CDH9: variants seen among roughly 807,000 people sequenced by gnomAD.
CDH9 encodes cadherin 9.
In CDH9, 28 loss-of-function variants were observed where a neutral mutation model predicts 70.9. The ratio of observed to expected loss-of-function variants is 0.40; its 90% CI spans 0.29 to 0.54. CDH9 has a LOEUF of 0.54. Among genes scored for constraint, CDH9 ranks in the 20% least tolerant of loss-of-function variants. The pLI, the probability that CDH9 is intolerant of heterozygous loss-of-function variation, is 0.59. For synonymous variants in CDH9, 409 were observed against 343.1 expected (o/e 1.19, Z -2.12); for missense variants, 874 against 984.4 (o/e 0.89, Z 1.50).
At position 26,885,777 on chromosome 5, in the gene CDH9, G is replaced by T; in HGVS notation, c.1719C>A (p.Asn573Lys). Residue 573 changes from asparagine (N) to lysine (K), a missense_variant, in exon 11 of 12, where the codon AAC becomes AAA. Physicochemically the swap from Asn to Lys is moderately conservative, Grantham distance 94. Coordinates refer to ENST00000231021, the MANE Select transcript of CDH9 (RefSeq NM_016279.4). ...TYLLPILIFD[N>K]DYPIQSSTGT... is the part of the protein sequence containing the mutation. ...CAGTGCTGCTTTGAATTGGATAATC[G>T]TTGTCAAAGATTAAAATCGGCAATA... 1 of 1,613,668 alleles carries T rather than the reference G, an allele frequency of 6.2e-7. No homozygotes were observed. The highest frequency in any genetic ancestry group is 8.5e-7 in the Non-Finnish European group (1 of 1,179,740).
intron 1 of CDH9, among the ~76,000 whole-genome samples, chr5:27,023,734 T>C (rs920717525): frequency 2.0e-5 from 3 of 152,032 alleles, no homozygotes; most frequent in Non-Finnish European, 2.9e-5. Flanking sequence ...TAAAATCTTG[T>C]AGGATTAACA....
At chr5:26,946,499 A>G (rs1741756196) in intron 2 of CDH9, among the ~76,000 whole-genome samples, 1 of 152,204 alleles carries the variant, frequency 6.6e-6, no homozygotes, top group Non-Finnish European at 1.5e-5. Context: ...TTTAATGCCA[A>G]GAAGTGAGGC....
chr5:26,988,456 C>A, intron 1 of CDH9, 74 bp from the exon 2 acceptor site: 1 of 1,260,170 alleles, frequency 7.9e-7, no homozygotes, highest in Non-Finnish European at 1.1e-6. Flanking sequence ...AACTGAAATA[C>A]TTATTCCAGA....
chr5:26,977,489 A>ATATATATATATATATG (rs1554001720), intron 2 of CDH9, among the ~76,000 whole-genome samples: 20 of 129,106 alleles, frequency 1.5e-4, no homozygotes, highest in African/African-American at 9.1e-4. Context: ...GTGTGTGTAT[A>ATATATATATATATATG]TATATATATA....
intron 11 of CDH9, among the ~76,000 whole-genome samples, chr5:26,884,803 G>C (rs1740532178): frequency 6.6e-6 from 1 of 152,080 alleles, no homozygotes; most frequent in African/African-American, 2.4e-5. Context: ...ATATTTGATA[G>C]AAACAATTTT....
chr5:26,951,010 T>C (rs1301090198), intron 2 of CDH9, among the ~76,000 whole-genome samples: 1 of 152,040 alleles, frequency 6.6e-6, no homozygotes, highest in Non-Finnish European at 1.5e-5. Flanking sequence ...CTTGGAATAA[T>C]AAAAGGCGTG....
chr5:26,981,494 C>A (rs1329877418), intron 2 of CDH9, among the ~76,000 whole-genome samples: 1 of 152,062 alleles, frequency 6.6e-6, no homozygotes, highest in East Asian at 1.9e-4. Context: ...TTTCAGTCTA[C>A]TGTTGGCTGA....
intron 2 of CDH9, among the ~76,000 whole-genome samples, chr5:26,970,793 A>G (rs1354405308): frequency 6.6e-6 from 1 of 152,042 alleles, no homozygotes; most frequent in African/African-American, 2.4e-5. Context: ...ACTGACCTTG[A>G]CCTGTATGCC....
intron 5 of CDH9, among the ~76,000 whole-genome samples, chr5:26,904,650 AGT>A (rs1173046468): frequency 6.6e-6 from 1 of 152,080 alleles, no homozygotes; most frequent in Non-Finnish European, 1.5e-5. Context: ...CTGACTTCAA[AGT>A]CTATATTCTT....
At chr5:26,921,797 T>A (rs1053614921) in intron 2 of CDH9, among the ~76,000 whole-genome samples, 6 of 152,244 alleles carry the variant, frequency 3.9e-5, no homozygotes, top group Non-Finnish European at 7.4e-5. Flanking sequence ...GACTCCACAC[T>A]TCCCGGTAAC....
rs537087756 is a variant in CDH9, at chr5:26,912,774, T to C, written c.523+2856A>G. 5.3e-4 allele frequency among the ~76,000 whole-genome samples: 80 copies of C among 152,220 alleles called. 1 individual carries two copies. The South Asian group carries it at 0.016, about 30-fold the overall frequency. On this transcript the variant is annotated intron_variant, in intron 3 of 11. Transcript: ENST00000231021. The stretch of plus-strand genomic sequence containing the variant: ...TTGTCCAGCTATCTCTGTGATATGG[T>C]TTGGCTATGTTCCCACCCAAATCTT...
intron 2 of CDH9, among the ~76,000 whole-genome samples, chr5:26,971,229 G>A (rs946050071): frequency 2.6e-5 from 4 of 152,244 alleles, no homozygotes; most frequent in African/African-American, 9.6e-5. Context: ...GATGAAGCAC[G>A]CATTACCAGG....
intron 2 of CDH9, among the ~76,000 whole-genome samples, chr5:26,952,729 A>G (rs938426501): frequency 6.6e-6 from 1 of 151,004 alleles, no homozygotes; most frequent in African/African-American, 2.4e-5. Flanking sequence ...CCTCATGAAT[A>G]GATGAATCCA....
intron 1 of CDH9, among the ~76,000 whole-genome samples, chr5:27,018,394 C>T (rs960683335): frequency 6.6e-6 from 1 of 151,632 alleles, no homozygotes; most frequent in East Asian, 1.9e-4. Context: ...TCAAATATTT[C>T]TAACCCATAT....
intron 11 of CDH9, among the ~76,000 whole-genome samples, chr5:26,882,015 C>T (rs1740476670): frequency 6.6e-6 from 1 of 152,026 alleles, no homozygotes; most frequent in African/African-American, 2.4e-5. Context: ...GCACAAGTAT[C>T]ATTTCTTAAT....
Position 26,902,560 on chromosome 5 carries a change from A to G in CDH9, c.1169T>C (p.Ile390Thr), listed in dbSNP as rs1321417795. 2 of 1,592,064 alleles carry G rather than the reference A, an allele frequency of 1.3e-6. No homozygotes were observed. The highest frequency in any genetic ancestry group is 1.7e-6 in the Non-Finnish European group (2 of 1,160,464). ...CTCCTTTACATCTTCATCTACTTCT[A>G]TCAAGTAAGAGACTTTAGTGAACAC... is the stretch of plus-strand genomic sequence containing the variant. ...PPVFTKVSYLIEVDEDVKEGS... is the reference protein window; with the variant it reads ...PPVFTKVSYLTEVDEDVKEGS... Residue 390 changes from isoleucine (I) to threonine (T), a missense_variant, in exon 7 of 12, where the codon ATA becomes ACA. By Grantham distance (89) the Ile-to-Thr change is moderately conservative (BLOSUM62 -1). Coordinates refer to ENST00000231021, the MANE Select transcript of CDH9 (RefSeq NM_016279.4).
chr5:26,898,147 CA>C (rs1295300288), intron 7 of CDH9, among the ~76,000 whole-genome samples: 3 of 152,112 alleles, frequency 2.0e-5, no homozygotes, highest in Admixed American at 6.6e-5. Context: ...AGGAGAACTA[CA>C]AATCACTGCT....
intron 1 of CDH9, among the ~76,000 whole-genome samples, chr5:27,032,090 C>T (rs1178823677): frequency 6.6e-6 from 1 of 151,610 alleles, no homozygotes; most frequent in Non-Finnish European, 1.5e-5. Flanking sequence ...ATTTAGCTGT[C>T]TATATATAGA....
rs1329171440 is a variant in CDH9, at chr5:26,902,590, G to A, written c.1139C>T (p.Pro380Leu). ...GTAAGAGACTTTAGTGAACACAGGAGGCTCATCTATATCTTCCACAGATAT... is the reference window on the plus strand; with the variant it reads ...GTAAGAGACTTTAGTGAACACAGGAAGCTCATCTATATCTTCCACAGATAT... ...VKISVEDIDE[P>L]PVFTKVSYLI... is the part of the protein sequence containing the mutation. Residue 380 changes from proline (P) to leucine (L), a missense_variant, in exon 7 of 12, where the codon CCT becomes CTT. Physicochemically the swap from Pro to Leu is moderately conservative, Grantham distance 98 (BLOSUM62 -3). Transcript: ENST00000231021. The A allele has an allele frequency of 6.2e-7, 1 of 1,600,960 alleles. No individual in the cohort carries two copies. Among genetic ancestry groups the A allele is most frequent in the Non-Finnish European group, 8.6e-7 (1 of 1,168,462 alleles).
Sources: allele counts gnomAD v4.1 joint callset (sites outside exome capture counted in the v4.1 genomes callset), GRCh38; gene constraint gnomAD v4.1.1; transcripts MANE v1.5; gene names NCBI Gene and HGNC (gene_info 2026-07-23, HGNC 2026-07-21).